The following SUCLG2 variants were observed in gnomAD, a reference collection of about 807,000 sequenced individuals.
SUCLG2 encodes the protein succinate-CoA ligase GDP-forming subunit beta, also known as succinate--CoA ligase [GDP-forming] subunit beta, mitochondrial.
A neutral mutation model predicts 47.9 loss-of-function variants in SUCLG2; 42 were observed. That is an observed-to-expected ratio of 0.88 (90% CI 0.69 to 1.14). SUCLG2 has a LOEUF of 1.14. Ranked by LOEUF, SUCLG2 falls within the 50% of genes most tolerant of loss-of-function variation. The pLI is 0.00. For synonymous variants in SUCLG2, 195 were observed against 197.3 expected (o/e 0.99, Z 0.10); for missense variants, 571 against 525.9 (o/e 1.09, Z -0.84).
intron 9 of SUCLG2, among the ~76,000 whole-genome samples, chr3:67,423,154 T>C (rs559463921): frequency 1.3e-5 from 2 of 152,278 alleles, no homozygotes; most frequent in Admixed American, 6.5e-5. Flanking sequence ...AATTGGATCA[T>C]GGGGGCGGTT....
At chr3:67,613,750 G>T (rs377454986) in intron 1 of SUCLG2, among the ~76,000 whole-genome samples, 3 of 152,290 alleles carry the variant, frequency 2.0e-5, no homozygotes, top group South Asian at 2.1e-4. Flanking sequence ...TTAGGAAACG[G>T]GCTGAACTTG....
chr3:67,446,417 ATTTTTTTTTTTTTTTTTTT>A (rs750956324), intron 9 of SUCLG2, among the ~76,000 whole-genome samples: 1 of 32,186 alleles, frequency 3.1e-5, no homozygotes, highest in Admixed American at 6.1e-4. Context: ...ACATATGTAC[ATTTTTTTTTTTTTTTTTTT>A]TTTTTTTTTT....
At chr3:67,544,327 G>C (rs978616716) in intron 2 of SUCLG2, among the ~76,000 whole-genome samples, 2 of 152,170 alleles carry the variant, frequency 1.3e-5, no homozygotes, top group African/African-American at 4.8e-5. Context: ...TGTGAAGGGA[G>C]GGACCTAGTG....
At chr3:67,481,506 G>A (rs895758672) in intron 9 of SUCLG2, among the ~76,000 whole-genome samples, 5 of 152,304 alleles carry the variant, frequency 3.3e-5, no homozygotes, top group East Asian at 3.9e-4. Context: ...AAACTCTAAC[G>A]TGCACAGCAA....
At chr3:67,539,632 T>C (rs1445434243) in intron 2 of SUCLG2, among the ~76,000 whole-genome samples, 4 of 152,224 alleles carry the variant, frequency 2.6e-5, no homozygotes, top group Non-Finnish European at 5.9e-5. Context: ...TCAGAAGGAA[T>C]GGTACCAGCT....
intron 10 of SUCLG2, among the ~76,000 whole-genome samples, chr3:67,390,654 T>G (rs1362892120): frequency 1.3e-5 from 2 of 149,840 alleles, no homozygotes; most frequent in Non-Finnish European, 3.0e-5. Flanking sequence ...AAATGAGGGT[T>G]TTTTTTTTTT....
At chr3:67,625,981 G>A (rs932781096) in intron 1 of SUCLG2, among the ~76,000 whole-genome samples, 6 of 151,916 alleles carry the variant, frequency 3.9e-5, no homozygotes, top group African/African-American at 1.5e-4. Context: ...CATAGGACAG[G>A]GTTGTACCCA....
chr3:67,620,245 A>G (rs1251324894), intron 1 of SUCLG2, among the ~76,000 whole-genome samples: 1 of 152,160 alleles, frequency 6.6e-6, no homozygotes, highest in East Asian at 1.9e-4. Flanking sequence ...ACATTAATGA[A>G]GAGTGTAATT....
chr3:67,385,470 G>T (rs562392165), intron 10 of SUCLG2, among the ~76,000 whole-genome samples: 1 of 152,206 alleles, frequency 6.6e-6, no homozygotes, highest in African/African-American at 2.4e-5. Context: ...GGCTCCATCC[G>T]GGAGTGGTGA....
intron 1 of SUCLG2, among the ~76,000 whole-genome samples, chr3:67,649,317 C>G (rs887023774): frequency 8.5e-5 from 13 of 152,174 alleles, no homozygotes; most frequent in African/African-American, 3.1e-4. Context: ...AAGGTAGGAG[C>G]TGTGTTTCTT....
At chr3:67,403,026 A>C (rs1702722336) in intron 9 of SUCLG2, among the ~76,000 whole-genome samples, 1 of 152,212 alleles carries the variant, frequency 6.6e-6, no homozygotes, top group Non-Finnish European at 1.5e-5. Flanking sequence ...AACAGGAATC[A>C]GTGTTGCCTC....
At chr3:67,637,409 A>G (rs1033692268) in intron 1 of SUCLG2, among the ~76,000 whole-genome samples, 24 of 152,200 alleles carry the variant, frequency 1.6e-4, no homozygotes, top group Admixed American at 9.8e-4. Flanking sequence ...ACAGTCCTCA[A>G]CGGTGGATTT....
chr3:67,589,654 T>C (rs965958364), intron 2 of SUCLG2, among the ~76,000 whole-genome samples: 3 of 152,234 alleles, frequency 2.0e-5, no homozygotes, highest in African/African-American at 7.2e-5. Context: ...CTTTTCAAGA[T>C]GGGGCCTTCC....
chr3:67,555,643 T>C (rs1041010864), intron 2 of SUCLG2, among the ~76,000 whole-genome samples: 1 of 152,160 alleles, frequency 6.6e-6, no homozygotes, highest in Non-Finnish European at 1.5e-5. Flanking sequence ...TCAAAAAGGC[T>C]TAGAAATGAA....
chr3:67,510,979 C>T (rs1223070213), intron 6 of SUCLG2, among the ~76,000 whole-genome samples: 1 of 151,518 alleles, frequency 6.6e-6, no homozygotes, highest in Non-Finnish European at 1.5e-5. Flanking sequence ...CAACCTCCAC[C>T]TGCCGGGTTC....
intron 9 of SUCLG2, among the ~76,000 whole-genome samples, chr3:67,493,679 T>C (rs1705259517): frequency 6.6e-6 from 1 of 152,180 alleles, no homozygotes; most frequent in Non-Finnish European, 1.5e-5. Context: ...AAGTTCAGTA[T>C]TTTATTACAA....
chr3:67,519,226 G>A (rs1284116713), intron 5 of SUCLG2, among the ~76,000 whole-genome samples: 1 of 152,076 alleles, frequency 6.6e-6, no homozygotes, highest in Non-Finnish European at 1.5e-5. Context: ...AGTCTGAGTG[G>A]GTGTGGTGTG....
intron 9 of SUCLG2, among the ~76,000 whole-genome samples, chr3:67,433,800 G>C (rs1056303315): frequency 2.7e-5 from 4 of 145,948 alleles, no homozygotes; most frequent in African/African-American, 1.0e-4. Context: ...GCGGGATTTA[G>C]TAAAAAAAAA....
At chr3:67,559,271 G>A (rs1707244122) in intron 2 of SUCLG2, among the ~76,000 whole-genome samples, 1 of 152,156 alleles carries the variant, frequency 6.6e-6, no homozygotes, top group Non-Finnish European at 1.5e-5. Flanking sequence ...ACCTGTATTA[G>A]TCTGTTTTCA....
Sources: gnomAD v4.1 joint callset for allele counts (sites outside exome capture counted in the v4.1 genomes callset) on GRCh38, gnomAD v4.1.1 for gene constraint, MANE v1.5 for transcripts, NCBI Gene and HGNC (gene_info 2026-07-23, HGNC 2026-07-21) for gene names.